Variants in NALCN observed in about 807,000 individuals in gnomAD.
The protein encoded by NALCN is sodium leak channel, non-selective.
A neutral mutation model predicts 225.3 loss-of-function variants in NALCN; 111 were observed. That is an observed-to-expected ratio of 0.49 (90% CI 0.42 to 0.58). The LOEUF is 0.58. Among genes scored for constraint, NALCN ranks in the 20% least tolerant of loss-of-function variants. The pLI, the probability that NALCN is intolerant of heterozygous loss-of-function variation, is 0.00. For missense variants in NALCN, 1,378 were observed against 2,202.4 expected (o/e 0.63, Z 7.49); for synonymous variants, 764 against 769.0 (o/e 0.99, Z 0.11).
intron 15 of NALCN, among the ~76,000 whole-genome samples, chr13:101,150,343 T>C (rs1298133880): frequency 6.6e-6 from 1 of 152,186 alleles, no homozygotes. Flanking sequence ...TTTACAAAAA[T>C]GTATACTATA....
intron 6 of NALCN, among the ~76,000 whole-genome samples, chr13:101,368,254 T>G (rs1377861176): frequency 2.7e-5 from 4 of 150,160 alleles, no homozygotes; most frequent in African/African-American, 9.8e-5. Context: ...ATATGCGGTG[T>G]TTGGTTTTTT....
At chr13:101,276,172 G>C (rs2042968162) in intron 10 of NALCN, among the ~76,000 whole-genome samples, 1 of 151,690 alleles carries the variant, frequency 6.6e-6, no homozygotes. Context: ...AGACATTGCA[G>C]GCATGACAGA....
At chr13:101,194,633 G>C (rs192971482) in intron 13 of NALCN, among the ~76,000 whole-genome samples, 1 of 152,210 alleles carries the variant, frequency 6.6e-6, no homozygotes, top group Non-Finnish European at 1.5e-5. Context: ...ATTGAGTGGA[G>C]TAAGACATAG....
chr13:101,153,755 TTCTG>T (rs1302904327), intron 15 of NALCN, among the ~76,000 whole-genome samples: 7 of 152,176 alleles, frequency 4.6e-5, no homozygotes, highest in East Asian at 1.9e-4. Context: ...CTAACTGGCT[TTCTG>T]TCTTAGTTTT....
chr13:101,062,582 C>T (rs1257636297), intron 40 of NALCN, among the ~76,000 whole-genome samples: 1 of 151,984 alleles, frequency 6.6e-6, no homozygotes. Flanking sequence ...CTCATTCATC[C>T]TTCTGTATCT....
intron 7 of NALCN, among the ~76,000 whole-genome samples, chr13:101,311,530 T>C (rs2044346513): frequency 6.6e-6 from 1 of 151,500 alleles, no homozygotes; most frequent in Non-Finnish European, 1.5e-5. Flanking sequence ...TTGAGATACG[T>C]CCCATCAATA....
At position 101,172,717 on chromosome 13, in the gene NALCN, G is replaced by A. The variant is rs774828925; in HGVS notation, c.1839+3583C>T. Among the ~76,000 whole-genome samples the A allele has an allele frequency of 4.0e-5, 6 of 150,526 alleles. No homozygotes were observed. The East Asian group carries it at 7.8e-4, about 19-fold the overall frequency. ...TGGGACTACAGGTGCCCGCCACCACGCGCAGCTAATTTTTTTGTTTTTCGT... is the reference window on the plus strand; with the variant it reads ...TGGGACTACAGGTGCCCGCCACCACACGCAGCTAATTTTTTTGTTTTTCGT... On this transcript the variant is annotated intron_variant, in intron 15 of 43. Transcript: ENST00000251127.
intron 17 of NALCN, among the ~76,000 whole-genome samples, chr13:101,139,920 T>A (rs2036985304): frequency 6.6e-6 from 1 of 152,218 alleles, no homozygotes; most frequent in South Asian, 2.1e-4. Flanking sequence ...AAGAGGGATT[T>A]TCTGCTTTAG....
chr13:101,055,133 G>T lies in NALCN; in HGVS notation c.*162C>A. Reference sequence around the variant, plus strand: ...TGATTGATAGTAACCCATCATACATGCAGCTTATGCCTTTCTGTGGCAGGA... The same window carrying T: ...TGATTGATAGTAACCCATCATACATTCAGCTTATGCCTTTCTGTGGCAGGA... On this transcript the variant is annotated 3_prime_UTR_variant, in exon 44 of 44. Transcript: ENST00000251127. 1.6e-6 allele frequency: 1 copy of T among 628,954 alleles called. No homozygotes were observed. Among genetic ancestry groups the T allele is most frequent in the Non-Finnish European group, 2.7e-6 (1 of 374,212 alleles). The allele number at this position is 628,954 out of a possible 1,614,324, so 39.0% of individuals were successfully genotyped here. A position where few individuals can be genotyped will look rare whatever the true frequency, so the allele number is the denominator to read the frequency against.
intron 6 of NALCN, among the ~76,000 whole-genome samples, chr13:101,351,019 GTATATACACATACA>G (rs2045892792): frequency 1.3e-5 from 2 of 152,118 alleles, no homozygotes; most frequent in South Asian, 4.1e-4. Flanking sequence ...ATACATATAT[GTATATACACATACA>G]TATATATAAT....
At chr13:101,107,226 T>C (rs1198337138) in intron 22 of NALCN, among the ~76,000 whole-genome samples, 2 of 152,254 alleles carry the variant, frequency 1.3e-5, no homozygotes, top group Admixed American at 6.5e-5. Flanking sequence ...GATATAAGTG[T>C]ATCAGGAAAC....
chr13:101,305,211 T>C (rs1394842676), intron 7 of NALCN, among the ~76,000 whole-genome samples: 1 of 152,200 alleles, frequency 6.6e-6, no homozygotes, highest in African/African-American at 2.4e-5. Flanking sequence ...TATTGGGACA[T>C]GAAGAAATGG....
intron 7 of NALCN, among the ~76,000 whole-genome samples, chr13:101,323,355 T>A (rs1184840089): frequency 6.6e-6 from 1 of 152,168 alleles, no homozygotes; most frequent in Non-Finnish European, 1.5e-5. Flanking sequence ...GCCAAACAAA[T>A]TACAAATTTT....
At chr13:101,164,713 T>C (rs1261585938) in intron 15 of NALCN, among the ~76,000 whole-genome samples, 1 of 152,224 alleles carries the variant, frequency 6.6e-6, no homozygotes, top group Non-Finnish European at 1.5e-5. Context: ...ATTTTATTGC[T>C]GTTTATGTCT....
intron 6 of NALCN, among the ~76,000 whole-genome samples, chr13:101,348,329 G>A (rs945316689): frequency 5.3e-5 from 8 of 152,122 alleles, no homozygotes; most frequent in African/African-American, 1.9e-4. Context: ...AGCCTGGGGT[G>A]AGACGTAAGT....
intron 6 of NALCN, among the ~76,000 whole-genome samples, chr13:101,355,149 G>T (rs2046016335): frequency 6.6e-6 from 1 of 152,078 alleles, no homozygotes; most frequent in Non-Finnish European, 1.5e-5. Flanking sequence ...GCTTCCTGAG[G>T]CCTCATCAGA....
chr13:101,200,451 C>T (rs1391956228), intron 13 of NALCN, among the ~76,000 whole-genome samples: 1 of 152,134 alleles, frequency 6.6e-6, no homozygotes, highest in East Asian at 1.9e-4. Context: ...CCCTAAATGC[C>T]CTCACGCTTT....
chr13:101,360,856 C>T (rs2046232372), intron 6 of NALCN, among the ~76,000 whole-genome samples: 1 of 152,174 alleles, frequency 6.6e-6, no homozygotes, highest in Admixed American at 6.5e-5. Context: ...GGGAAGAGGA[C>T]AGGCATGCTA....
intron 6 of NALCN, among the ~76,000 whole-genome samples, chr13:101,360,659 T>G (rs2046227136): frequency 6.6e-6 from 1 of 152,090 alleles, no homozygotes; most frequent in South Asian, 2.1e-4. Context: ...CCAACCACAC[T>G]CAACCACAAA....
Sources: allele counts gnomAD v4.1 joint callset (sites outside exome capture counted in the v4.1 genomes callset), GRCh38; gene constraint gnomAD v4.1.1; transcripts MANE v1.5; gene names NCBI Gene and HGNC (gene_info 2026-07-23, HGNC 2026-07-21).